EPHA6: variants seen among roughly 807,000 people sequenced by gnomAD.
EPHA6 encodes ephrin type-A receptor 6.
Under a neutral mutation model 112.0 loss-of-function variants are expected in EPHA6, and 50 were observed. The ratio of observed to expected loss-of-function variants is 0.45; its 90% CI spans 0.36 to 0.56. EPHA6 has a LOEUF of 0.56. Among genes scored for constraint, EPHA6 ranks in the 20% least tolerant of loss-of-function variants. The pLI, the probability that EPHA6 is intolerant of heterozygous loss-of-function variation, is 0.00. For synonymous variants in EPHA6, 529 were observed against 490.7 expected (o/e 1.08, Z -1.03); for missense variants, 1,280 against 1,417.4 (o/e 0.90, Z 1.56).
chr3:96,947,027 TTTG>T (rs1167840688), intron 2 of EPHA6, among the ~76,000 whole-genome samples: 221 of 150,608 alleles, frequency 1.5e-3, no homozygotes, highest in African/African-American at 5.3e-3. Flanking sequence ...GGGCTGTTTG[TTTG>T]TTTTTTTTTT....
At chr3:96,899,253 A>G (rs892595508) in intron 2 of EPHA6, among the ~76,000 whole-genome samples, 11 of 152,054 alleles carry the variant, frequency 7.2e-5, no homozygotes, top group Non-Finnish European at 1.5e-4. Context: ...CCATCTTTAC[A>G]TGTCCATCTT....
chr3:97,259,666 T>C (rs1016953038), intron 5 of EPHA6, among the ~76,000 whole-genome samples: 1 of 152,164 alleles, frequency 6.6e-6, no homozygotes, highest in Non-Finnish European at 1.5e-5. Context: ...AATGCATGAG[T>C]ACTCTGTGCT....
chr3:97,169,771 C>A (rs547090169), intron 3 of EPHA6, among the ~76,000 whole-genome samples: 1 of 152,116 alleles, frequency 6.6e-6, no homozygotes, highest in African/African-American at 2.4e-5. Context: ...AAATGAATTG[C>A]TTTTCCCACT....
intron 10 of EPHA6, among the ~76,000 whole-genome samples, chr3:97,519,978 T>A (rs1365404770): frequency 6.6e-6 from 1 of 151,276 alleles, no homozygotes; most frequent in African/African-American, 2.4e-5. Flanking sequence ...TTTTTTTTTT[T>A]TTTTTTTGAG....
chr3:97,499,552 C>A lies in EPHA6; in HGVS notation c.2200+15493C>A, dbSNP rs150364744. On this transcript the variant is annotated intron_variant, in intron 10 of 17. Transcript: ENST00000389672. ...ACAAACATCATAGAGTGCACTTAAC[C>A]CAAACCTAGATGGCAGCATCTATTG... Among the ~76,000 whole-genome samples, 994 of 152,206 alleles carry A rather than the reference C, an allele frequency of 6.5e-3. 12 individuals carry two copies. The highest frequency in any genetic ancestry group is 0.022 in the African/African-American group (915 of 41,532).
intron 3 of EPHA6, among the ~76,000 whole-genome samples, chr3:97,211,307 C>A (rs950858643): frequency 1.3e-5 from 2 of 152,118 alleles, no homozygotes; most frequent in Non-Finnish European, 2.9e-5. Context: ...ATGGTAGACA[C>A]CCTTCTGATC....
intron 1 of EPHA6, among the ~76,000 whole-genome samples, chr3:96,829,683 T>C (rs2033895879): frequency 6.6e-6 from 1 of 152,096 alleles, no homozygotes; most frequent in Admixed American, 6.6e-5. Context: ...CAAGTGGAAA[T>C]AGATTTAGCA....
At position 97,751,831 on chromosome 3, in the gene EPHA6, C is replaced by T. The variant is rs1326789583; in HGVS notation, c.*3130C>T. On this transcript the variant is annotated 3_prime_UTR_variant, in exon 18 of 18. Transcript: ENST00000389672. ...ATTTTAAATGTCTTGATCTATGCTA[C>T]TGAGGGGGTGTTTTGGATTTTAAAA... 6.6e-6 allele frequency among the ~76,000 whole-genome samples: 1 copy of T among 152,016 alleles called. No individual in the cohort carries two copies. Among genetic ancestry groups the T allele is most frequent in the Non-Finnish European group, 1.5e-5 (1 of 67,962 alleles).
At chr3:97,306,390 G>A (rs2081321136) in intron 5 of EPHA6, among the ~76,000 whole-genome samples, 1 of 150,460 alleles carries the variant, frequency 6.6e-6, no homozygotes, top group African/African-American at 2.5e-5. Flanking sequence ...TGCCCTTAAG[G>A]CACAATACAA....
Position 97,011,716 on chromosome 3 carries a change from C to G in EPHA6, c.1114+23723C>G, listed in dbSNP as rs187294392. The stretch of plus-strand genomic sequence containing the variant: ...GGTTTTGTGGGTATATTGTGTGACA[C>G]TAAGGTTTCTGATACAAATGATCCC... On this transcript the variant is annotated intron_variant, in intron 3 of 17. Coordinates refer to ENST00000389672, the MANE Select transcript of EPHA6 (RefSeq NM_001080448.3). 1.8e-3 allele frequency among the ~76,000 whole-genome samples: 271 copies of G among 152,170 alleles called. 2 individuals are homozygous for G. The highest frequency in any genetic ancestry group is 6.0e-3 in the African/African-American group (251 of 41,506).
At chr3:97,626,735 G>T (rs755172625) in intron 13 of EPHA6, among the ~76,000 whole-genome samples, 1 of 151,788 alleles carries the variant, frequency 6.6e-6, no homozygotes, top group Non-Finnish European at 1.5e-5. Flanking sequence ...TGCAAGAGCT[G>T]GTTGATAAAC....
In EPHA6 at chr3:97,581,473, T is replaced by G. The variant is rs567972543; in HGVS notation, c.2387-11139T>G. Among the ~76,000 whole-genome samples, 9 of 152,336 alleles carry G rather than the reference T, an allele frequency of 5.9e-5. No individual in the cohort carries two copies. The South Asian group carries it at 8.3e-4, about 14-fold the overall frequency. On this transcript the variant is annotated intron_variant, in intron 11 of 17. Transcript: ENST00000389672. Reference sequence around the variant, plus strand: ...TATTGCACGTATTAAAATGAGAAGCTTCTTCAAATAATTTATTGTAAGATA... The same window carrying G: ...TATTGCACGTATTAAAATGAGAAGCGTCTTCAAATAATTTATTGTAAGATA...
chr3:97,444,326 T>C (rs2090250538), intron 6 of EPHA6, among the ~76,000 whole-genome samples: 1 of 152,124 alleles, frequency 6.6e-6, no homozygotes, highest in Non-Finnish European at 1.5e-5. Flanking sequence ...ATGACCACTA[T>C]GCTGGCCTAT....
intron 3 of EPHA6, among the ~76,000 whole-genome samples, chr3:97,139,039 G>T (rs114418174): frequency 0.011 from 1,628 of 152,194 alleles, 26 homozygotes; most frequent in African/African-American, 0.037. Flanking sequence ...CTGGAGGGTT[G>T]CCCAAGTGGC....
At chr3:97,493,623 C>CTGTG (rs373276812) in intron 10 of EPHA6, among the ~76,000 whole-genome samples, 81 of 147,390 alleles carry the variant, frequency 5.5e-4, no homozygotes, top group African/African-American at 1.6e-3. Context: ...ATTTAGTCCT[C>CTGTG]TGTGTGTGTG....
intron 3 of EPHA6, among the ~76,000 whole-genome samples, chr3:97,040,313 G>C (rs1380104522): frequency 6.6e-6 from 1 of 151,834 alleles, no homozygotes; most frequent in East Asian, 1.9e-4. Flanking sequence ...GCATAAAAGA[G>C]TTAGTATTAT....
chr3:97,560,153 T>C (rs1409262274), intron 11 of EPHA6, among the ~76,000 whole-genome samples: 2 of 151,514 alleles, frequency 1.3e-5, no homozygotes, highest in Admixed American at 6.6e-5. Context: ...GAAATCATGA[T>C]TGAAATAAAA....
At chr3:97,230,383 T>C (rs2108553208) in intron 4 of EPHA6, among the ~76,000 whole-genome samples, 1 of 152,310 alleles carries the variant, frequency 6.6e-6, no homozygotes, top group South Asian at 2.1e-4. Context: ...GATATGTGTA[T>C]TTTTCCACAT....
intron 12 of EPHA6, among the ~76,000 whole-genome samples, chr3:97,595,433 C>T (rs969097962): frequency 6.6e-6 from 1 of 152,150 alleles, no homozygotes; most frequent in African/African-American, 2.4e-5. Flanking sequence ...CACCTGAGGT[C>T]AGGAGTTAGA....
Sources: gnomAD v4.1 joint callset for allele counts (sites outside exome capture counted in the v4.1 genomes callset) on GRCh38, gnomAD v4.1.1 for gene constraint, MANE v1.5 for transcripts, NCBI Gene and HGNC (gene_info 2026-07-23, HGNC 2026-07-21) for gene names.